Variants in PTPRR observed in about 807,000 individuals in gnomAD.
PTPRR encodes receptor-type tyrosine-protein phosphatase R.
Under a neutral mutation model 77.2 loss-of-function variants are expected in PTPRR, and 38 were observed. That is an observed-to-expected ratio of 0.49 (90% CI 0.38 to 0.65). The LOEUF is 0.65. Among genes scored for constraint, PTPRR ranks in the 30% least tolerant of loss-of-function variants. The pLI is 0.00. For missense variants in PTPRR, 744 were observed against 799.2 expected (o/e 0.93, Z 0.83); for synonymous variants, 299 against 283.1 (o/e 1.06, Z -0.57).
At chr12:70,856,802 A>AAG (rs141467738) in intron 2 of PTPRR, among the ~76,000 whole-genome samples, 21 of 144,824 alleles carry the variant, frequency 1.5e-4, no homozygotes, top group South Asian at 4.6e-4. Context: ...GGGAGGCAGG[A>AAG]AGAGAGAGAG....
intron 1 of PTPRR, among the ~76,000 whole-genome samples, chr12:70,913,786 T>C (rs1440277198): frequency 1.3e-5 from 2 of 152,176 alleles, no homozygotes; most frequent in Admixed American, 1.3e-4. Context: ...TTTATGGTCA[T>C]GAAGATGAGA....
At chr12:70,821,055 A>G (rs146201228) in intron 2 of PTPRR, among the ~76,000 whole-genome samples, 14 of 152,268 alleles carry the variant, frequency 9.2e-5, no homozygotes, top group African/African-American at 3.1e-4. Context: ...TTAGCTCTCC[A>G]AAGTAAATGT....
chr12:70,764,141 A>G (rs543934889), intron 3 of PTPRR, among the ~76,000 whole-genome samples: 1 of 151,870 alleles, frequency 6.6e-6, no homozygotes. Context: ...CTTTATTTAA[A>G]ATGCCCTGCC....
chr12:70,672,991 G>T, intron 10 of PTPRR: 5 of 1,262,470 alleles, frequency 4.0e-6, no homozygotes, highest in East Asian at 1.1e-4. Flanking sequence ...GTAGAAGGGA[G>T]AAGGATAGAG....
chr12:70,887,450 C>A (rs59192501), intron 2 of PTPRR, among the ~76,000 whole-genome samples: 102,399 of 151,110 alleles, frequency 0.68, 35,729 homozygotes, highest in African/African-American at 0.86. Flanking sequence ...AGACTCTTTC[C>A]AAAAAAAAAT....
chr12:70,695,343 G>A (rs989526966), intron 8 of PTPRR, among the ~76,000 whole-genome samples: 2 of 152,162 alleles, frequency 1.3e-5, no homozygotes, highest in African/African-American at 4.8e-5. Context: ...ACATCTTTGT[G>A]TATTCATTCC....
At chr12:70,740,771 T>C (rs547894571) in intron 6 of PTPRR, among the ~76,000 whole-genome samples, 12 of 152,214 alleles carry the variant, frequency 7.9e-5, no homozygotes, top group Non-Finnish European at 1.8e-4. Flanking sequence ...GCAGTCTTTA[T>C]GGTCTCCTGG....
At chr12:70,775,332 A>G (rs1203376665) in intron 2 of PTPRR, among the ~76,000 whole-genome samples, 1 of 152,160 alleles carries the variant, frequency 6.6e-6, no homozygotes, top group Non-Finnish European at 1.5e-5. Context: ...TTATGACAAG[A>G]CTTTCTTTCT....
intron 2 of PTPRR, among the ~76,000 whole-genome samples, chr12:70,784,606 C>A (rs959714907): frequency 1.8e-4 from 27 of 152,212 alleles, no homozygotes; most frequent in Non-Finnish European, 3.1e-4. Context: ...CAGCGGCCGG[C>A]ATGATGGCAG....
intron 3 of PTPRR, among the ~76,000 whole-genome samples, chr12:70,762,401 T>C (rs186051841): frequency 6.6e-6 from 1 of 152,312 alleles, no homozygotes; most frequent in East Asian, 1.9e-4. Context: ...CTTAGCTTTC[T>C]TTCTGACACA....
At chr12:70,791,073 TG>T (rs1381595701) in intron 2 of PTPRR, among the ~76,000 whole-genome samples, 3 of 152,204 alleles carry the variant, frequency 2.0e-5, no homozygotes, top group African/African-American at 4.8e-5. Flanking sequence ...CTGCTTTTAT[TG>T]TTTATTTTCT....
intron 6 of PTPRR, among the ~76,000 whole-genome samples, chr12:70,710,773 G>C (rs1888798018): frequency 6.6e-6 from 1 of 151,872 alleles, no homozygotes; most frequent in South Asian, 2.1e-4. Context: ...GAAGATATAG[G>C]TGCAGTCAAC....
rs149116009 is a variant in PTPRR, at chr12:70,639,644, C to T, written c.1881-367G>A. 4.1e-5 allele frequency: 13 copies of T among 318,992 alleles called. No homozygotes were observed. In the East Asian group the frequency reaches 7.6e-4, roughly 19 times the overall value. The allele number at this position is 318,992 out of a possible 1,614,324, so 19.8% of individuals were successfully genotyped here. ...CTGTATGCATCTTGGACAAATTCCT[C>T]GAAACCCCTTGCACTTTAGTTTCTT... is the stretch of plus-strand genomic sequence containing the variant. On this transcript the variant is annotated intron_variant, in intron 13 of 13. Transcript: ENST00000283228.
In PTPRR at chr12:70,764,799, T is replaced by A. The variant is rs779553396; in HGVS notation, c.358-21A>T. The A allele has an allele frequency of 1.8e-5, 28 of 1,533,818 alleles. No individual in the cohort carries two copies. In the South Asian group the frequency reaches 2.6e-4, roughly 14 times the overall value. On this transcript the variant is annotated intron_variant, in intron 2 of 13. Transcript: ENST00000283228. The stretch of plus-strand genomic sequence containing the variant: ...AGTGTCTAGAAAATAAGGACAAAAA[T>A]AAATCCAAATTATAGTATTAATTTG...
At chr12:70,886,268 T>C (rs1893238086) in intron 2 of PTPRR, among the ~76,000 whole-genome samples, 1 of 152,174 alleles carries the variant, frequency 6.6e-6, no homozygotes. Flanking sequence ...CAGTAATAGC[T>C]GGGGAAATCT....
intron 2 of PTPRR, among the ~76,000 whole-genome samples, chr12:70,797,665 G>A (rs1422830397): frequency 6.6e-6 from 1 of 152,110 alleles, no homozygotes; most frequent in East Asian, 1.9e-4. Flanking sequence ...AATAGACACT[G>A]TGTGTCCTTA....
intron 2 of PTPRR, among the ~76,000 whole-genome samples, chr12:70,803,615 T>A (rs142783717): frequency 6.6e-6 from 1 of 152,212 alleles, no homozygotes; most frequent in African/African-American, 2.4e-5. Flanking sequence ...AATTCTAGGA[T>A]CATGCCGAGA....
rs1890502933 is a variant in PTPRR at position 70,754,401 on chromosome 12, T to C, written c.628-100A>G. 6 of 1,578,044 alleles carry C rather than the reference T, an allele frequency of 3.8e-6. No individual in the cohort carries two copies. The South Asian group carries it at 4.6e-5, about 12-fold the overall frequency. On this transcript the variant is annotated intron_variant, in intron 4 of 13. Transcript: ENST00000283228. Reference sequence around the variant, plus strand: ...ATATTTTTAGCCTTATTCCATTCAGTGTAGTGCAACACACCTACACCCCCC... The same window carrying C: ...ATATTTTTAGCCTTATTCCATTCAGCGTAGTGCAACACACCTACACCCCCC...
At chr12:70,909,372 G>T (rs570925629) in intron 1 of PTPRR, among the ~76,000 whole-genome samples, 3 of 152,156 alleles carry the variant, frequency 2.0e-5, no homozygotes, top group African/African-American at 4.8e-5. Flanking sequence ...ATTGTGCACA[G>T]GCATGAAGAA....
Sources: allele counts gnomAD v4.1 joint callset (sites outside exome capture counted in the v4.1 genomes callset), GRCh38; gene constraint gnomAD v4.1.1; transcripts MANE v1.5; gene names NCBI Gene and HGNC (gene_info 2026-07-23, HGNC 2026-07-21).